Variants in COL4A5 observed in about 807,000 individuals in gnomAD.
The protein encoded by COL4A5 is collagen type IV alpha 5 chain.
COL4A5 carries 26 observed loss-of-function variants against 130.2 expected under a neutral mutation model. The observed-to-expected ratio is 0.20, with a 90% confidence interval of 0.15 to 0.28. COL4A5 has a LOEUF of 0.28. COL4A5 is among the 10% of genes least tolerant of loss of function. COL4A5 has a pLI of 1.00. For missense variants in COL4A5, 1,131 were observed against 1,344.3 expected (o/e 0.84, Z 2.48); for synonymous variants, 496 against 439.6 (o/e 1.13, Z -1.60).
chrX:108,532,467 ACAT>A (rs1340116891), intron 1 of COL4A5, among the ~76,000 whole-genome samples: 1 of 111,946 alleles, frequency 8.9e-6, no homozygotes, highest in African/African-American at 3.2e-5. Context: ...TCCACTGCAA[ACAT>A]CATATTAAAT....
intron 36 of COL4A5, chrX:108,626,583 T>G (rs1728227984): frequency 1.8e-6 from 2 of 1,118,335 alleles, no homozygotes; most frequent in Non-Finnish European, 2.3e-6. Flanking sequence ...TCTTCTATCT[T>G]AATTTCTGGA....
intron 1 of COL4A5, among the ~76,000 whole-genome samples, chrX:108,446,634 A>G (rs1049102774): frequency 8.9e-6 from 1 of 112,047 alleles, no homozygotes; most frequent in Non-Finnish European, 1.9e-5. Context: ...AGAAGCCCAC[A>G]TTGGTTAAAT....
chrX:108,443,044 G>T (rs981164089), intron 1 of COL4A5: 1 of 111,529 alleles, frequency 9.0e-6, no homozygotes, highest in Non-Finnish European at 1.9e-5. Flanking sequence ...TTTGTATGTG[G>T]TCTATAGAGA....
chrX:108,693,014 T>G, intron 50 of COL4A5, 89 bp downstream of exon 50: 2 of 1,009,586 alleles, frequency 2.0e-6, no homozygotes, highest in Non-Finnish European at 2.8e-6. Context: ...CTGATGATAT[T>G]CCTCCTAGGT....
chrX:108,642,067 C>A (rs1003983295), intron 36 of COL4A5, among the ~76,000 whole-genome samples: 3 of 111,068 alleles, frequency 2.7e-5, no homozygotes, highest in African/African-American at 9.8e-5. Flanking sequence ...GGAGTAAGAT[C>A]GGCCCTTTGA....
intron 2 of COL4A5, among the ~76,000 whole-genome samples, chrX:108,548,840 TA>T (rs898290150): frequency 1.7e-3 from 184 of 110,163 alleles, no homozygotes; most frequent in African/African-American, 5.5e-3. Flanking sequence ...GTTAGAGAGC[TA>T]AAAAAAAATT....
intron 36 of COL4A5, among the ~76,000 whole-genome samples, chrX:108,635,189 C>G (rs2067331224): frequency 9.1e-6 from 1 of 110,335 alleles, no homozygotes; most frequent in African/African-American, 3.3e-5. Flanking sequence ...CTTAATTCTT[C>G]AGTGTCTTCA....
chrX:108,607,350 CAAA>C (rs558025535), intron 29 of COL4A5, among the ~76,000 whole-genome samples: 2 of 49,742 alleles, frequency 4.0e-5, no homozygotes. Context: ...GACTTTGTCT[CAAA>C]AAAAAAAAAA....
intron 1 of COL4A5, among the ~76,000 whole-genome samples, chrX:108,510,246 A>T (rs941949515): frequency 3.6e-5 from 4 of 110,759 alleles, no homozygotes. Context: ...TGTACAACAA[A>T]CCCCCGTGAC....
chrX:108,458,001 G>A (rs1270850912), intron 1 of COL4A5, among the ~76,000 whole-genome samples: 1 of 111,768 alleles, frequency 8.9e-6, no homozygotes, highest in African/African-American at 3.2e-5. Flanking sequence ...TACATGCCAT[G>A]CGGATATGCT....
rs1029047699 is a variant in COL4A5, at chrX:108,687,756, G to A, written c.4528+62G>A. 1.3e-4 allele frequency: 144 copies of A among 1,072,861 alleles called. No individual in the cohort carries two copies. The African/African-American group carries it at 2.0e-3, about 15-fold the overall frequency. The allele number at this position is 1,072,861 out of a possible 1,213,427, so 88.4% of individuals were successfully genotyped here. A position where few individuals can be genotyped will look rare whatever the true frequency, so the allele number is the denominator to read the frequency against. On this transcript the variant is annotated intron_variant, in intron 49 of 52. Coordinates refer to ENST00000328300, the MANE Select transcript of COL4A5 (RefSeq NM_033380.3). ...TTGTTTTTGTTTCAGAAATCCTGTT[G>A]GGTTCTAGAGTAGCCTTGGCCAAAG...
intron 7 of COL4A5, among the ~76,000 whole-genome samples, 153 bp downstream of exon 7, chrX:108,571,619 T>C (rs1433458976): frequency 1.8e-5 from 2 of 111,526 alleles, no homozygotes; most frequent in African/African-American, 6.5e-5. Flanking sequence ...GTTGGTAATA[T>C]AGCTTTCTCC....
At chrX:108,481,004 A>G (rs1282220954) in intron 1 of COL4A5, among the ~76,000 whole-genome samples, 2 of 111,929 alleles carry the variant, frequency 1.8e-5, no homozygotes, top group African/African-American at 6.5e-5. Flanking sequence ...CAGGGATCCA[A>G]CGTGGGGGTT....
chrX:108,604,621 C>T (rs2066698129), intron 28 of COL4A5, among the ~76,000 whole-genome samples: 1 of 112,021 alleles, frequency 8.9e-6, no homozygotes, highest in African/African-American at 3.2e-5. Context: ...AACTTAAAGT[C>T]AGCAGCTGCA....
At chrX:108,664,681 G>C (rs779184957) in intron 37 of COL4A5, among the ~76,000 whole-genome samples, 70 of 112,126 alleles carry the variant, frequency 6.2e-4, no homozygotes, top group African/African-American at 2.1e-3. Flanking sequence ...CTGATATCTA[G>C]GATATGTAAA....
intron 2 of COL4A5, among the ~76,000 whole-genome samples, chrX:108,546,017 G>T (rs906677699): frequency 3.6e-5 from 4 of 111,606 alleles, no homozygotes; most frequent in African/African-American, 1.3e-4. Context: ...CACATGAGAT[G>T]GGTCTCCTGA....
chrX:108,576,915 C>T (rs1048161204), intron 10 of COL4A5, among the ~76,000 whole-genome samples: 1 of 112,041 alleles, frequency 8.9e-6, no homozygotes, highest in African/African-American at 3.2e-5. Flanking sequence ...TATGGACTTT[C>T]GCACTTTTTC....
chrX:108,650,316 C>T (rs891215359), intron 36 of COL4A5, among the ~76,000 whole-genome samples: 1 of 111,224 alleles, frequency 9.0e-6, no homozygotes, highest in African/African-American at 3.3e-5. Flanking sequence ...CACTTCTACA[C>T]TGCTGGTGGG....
intron 1 of COL4A5, among the ~76,000 whole-genome samples, chrX:108,530,624 A>C (rs771655385): frequency 1.8e-4 from 18 of 98,498 alleles, no homozygotes; most frequent in African/African-American, 6.4e-4. Flanking sequence ...ATCACTGGCC[A>C]TCAGAGAAAT....
Sources: gnomAD v4.1 joint callset for allele counts (sites outside exome capture counted in the v4.1 genomes callset) on GRCh38, gnomAD v4.1.1 for gene constraint, MANE v1.5 for transcripts, NCBI Gene and HGNC (gene_info 2026-07-23, HGNC 2026-07-21) for gene names.